Variants in ANK3 observed in about 807,000 individuals in gnomAD.
ANK3 encodes ankyrin 3, also known as ankyrin-3.
In ANK3, 57 loss-of-function variants were observed where a neutral mutation model predicts 370.9. The ratio of observed to expected loss-of-function variants is 0.15; its 90% CI spans 0.12 to 0.19. The LOEUF (loss-of-function observed/expected upper bound fraction) is 0.19. ANK3 is among the 10% of genes least tolerant of loss of function. The pLI is 1.00. For missense variants in ANK3, 4,439 were observed against 5,302.1 expected (o/e 0.84, Z 5.06); for synonymous variants, 1,929 against 1,946.3 (o/e 0.99, Z 0.23).
intron 36 of ANK3, 95 bp downstream of exon 36, chr10:60,080,442 A>G (rs781291795): frequency 1.5e-5 from 16 of 1,089,774 alleles, no homozygotes; most frequent in Non-Finnish European, 1.8e-5. Context: ...TTCTTTTGCC[A>G]TTGAGTTTCC....
intron 2 of ANK3, among the ~76,000 whole-genome samples, chr10:60,474,286 T>C (rs942654157): frequency 6.6e-6 from 1 of 152,108 alleles, no homozygotes; most frequent in African/African-American, 2.4e-5. Flanking sequence ...TTACAGAGAA[T>C]GGACATGCTC....
intron 2 of ANK3, among the ~76,000 whole-genome samples, chr10:60,596,363 C>T (rs1389244403): frequency 6.6e-6 from 1 of 151,986 alleles, no homozygotes; most frequent in Non-Finnish European, 1.5e-5. Flanking sequence ...CAAATAAATC[C>T]ACTGCTATGA....
At chr10:60,456,160 G>A (rs550367802) in intron 2 of ANK3, among the ~76,000 whole-genome samples, 2 of 152,182 alleles carry the variant, frequency 1.3e-5, no homozygotes, top group African/African-American at 2.4e-5. Context: ...GTTTTCTTCT[G>A]AGAGGACATC....
At chr10:60,386,233 C>T (rs992018162) in intron 1 of ANK3, among the ~76,000 whole-genome samples, 5 of 151,980 alleles carry the variant, frequency 3.3e-5, no homozygotes, top group Non-Finnish European at 5.9e-5. Context: ...CCAACCTAAG[C>T]GGCCCGTGAG....
At chr10:60,287,411 G>GCTGTA (rs1347077931) in intron 1 of ANK3, among the ~76,000 whole-genome samples, 1 of 152,106 alleles carries the variant, frequency 6.6e-6, no homozygotes, top group Non-Finnish European at 1.5e-5. Context: ...TCTCCAGGAG[G>GCTGTA]CTGTAGTTGG....
intron 14 of ANK3, 143 bp from the exon 15 acceptor site, chr10:60,196,768 T>C (rs771381497): frequency 2.0e-4 from 122 of 603,522 alleles, no homozygotes; most frequent in Non-Finnish European, 3.3e-4. Context: ...ATTCTATTGA[T>C]GATGAGCAGT....
intron 43 of ANK3, among the ~76,000 whole-genome samples, chr10:60,035,980 T>C (rs1266353106): frequency 1.3e-5 from 2 of 152,146 alleles, no homozygotes; most frequent in Admixed American, 6.5e-5. Context: ...GAATTTGTAG[T>C]GAAGCAATTC....
At chr10:60,160,138 A>C (rs1353695777) in intron 23 of ANK3, among the ~76,000 whole-genome samples, 1 of 148,320 alleles carries the variant, frequency 6.7e-6, no homozygotes. Flanking sequence ...TGGTTTTTGA[A>C]AAGGTAATCA....
rs188217580 is a variant in ANK3, at chr10:60,254,680, G to A, written c.798+7179C>T. Among the ~76,000 whole-genome samples the A allele has an allele frequency of 2.0e-4, 30 of 152,294 alleles. No homozygotes were observed. The East Asian group carries it at 5.0e-3, about 25-fold the overall frequency. On this transcript the variant is annotated intron_variant, in intron 7 of 43. Coordinates refer to ENST00000280772, the MANE Select transcript of ANK3 (RefSeq NM_020987.5). ...CTTGCCCCTCTGCCTCTGACATTGG[G>A]TTTGGTGCACTGGTCTAAAATTCTA...
At chr10:60,166,764 GAAAC>G in intron 22 of ANK3, 56 bp downstream of exon 22, 7 of 1,597,226 alleles carry the variant, frequency 4.4e-6, no homozygotes, top group Non-Finnish European at 6.0e-6. Flanking sequence ...CTTTCTTCAG[GAAAC>G]AAACAAAATA....
chr10:60,564,821 G>C (rs1046050667), intron 2 of ANK3, among the ~76,000 whole-genome samples: 1 of 152,130 alleles, frequency 6.6e-6, no homozygotes, highest in Non-Finnish European at 1.5e-5. Flanking sequence ...TTTAAATAAA[G>C]TAAGTTAGTT....
upstream of ANK3, among the ~76,000 whole-genome samples, chr10:60,393,660 T>C (rs1246657471): frequency 1.3e-5 from 2 of 152,172 alleles, no homozygotes; most frequent in Non-Finnish European, 2.9e-5. Context: ...CACATACACC[T>C]TTCCAGGATT....
rs140933913 is a variant in ANK3, at chr10:60,615,058, A to G, written c.96+128T>C. The G allele has an allele frequency of 6.6e-4, 390 of 588,624 alleles. 1 individual carries two copies. The African/African-American group carries it at 7.0e-3, about 11-fold the overall frequency. 36.5% of individuals were successfully genotyped at this position (588,624 alleles called of 1,614,324 possible). A position where few individuals can be genotyped will look rare whatever the true frequency, so the allele number is the denominator to read the frequency against. On this transcript the variant is annotated intron_variant, in intron 2 of 43. Coordinates refer to the ANK3 transcript ENST00000373827. ...GTTAAATAAAAATAACAACAACAAC[A>G]ACAATAAACTGGTTTAAAAGGACCA...
At chr10:60,613,585 T>C (rs1477254260) in intron 2 of ANK3, among the ~76,000 whole-genome samples, 2 of 152,226 alleles carry the variant, frequency 1.3e-5, no homozygotes, top group African/African-American at 4.8e-5. Context: ...TTTAGCTTAT[T>C]ACTGGTGACA....
At chr10:60,373,845 A>G (rs2060420945) in intron 1 of ANK3, among the ~76,000 whole-genome samples, 1 of 152,062 alleles carries the variant, frequency 6.6e-6, no homozygotes, top group South Asian at 2.1e-4. Context: ...AGTCCTGGGC[A>G]AACCAGGCCA....
intron 23 of ANK3, among the ~76,000 whole-genome samples, chr10:60,164,448 G>A (rs183413559): frequency 6.6e-6 from 1 of 151,438 alleles, no homozygotes. Flanking sequence ...AGGGCGACCA[G>A]GTTGCTGAGG....
intron 1 of ANK3, among the ~76,000 whole-genome samples, chr10:60,351,142 A>G (rs1417048196): frequency 6.6e-6 from 1 of 152,220 alleles, no homozygotes; most frequent in Admixed American, 6.5e-5. Context: ...TACTATGACC[A>G]CAAACATTTA....
intron 2 of ANK3, among the ~76,000 whole-genome samples, chr10:60,609,284 C>A (rs776545250): frequency 6.6e-6 from 1 of 152,144 alleles, no homozygotes; most frequent in Non-Finnish European, 1.5e-5. Context: ...CAGCCAGACT[C>A]CAACCAAGTC....
chr10:60,073,131 C>G lies in ANK3; in HGVS notation c.7750G>C (p.Ala2584Pro). ...GACACTTCAGTCAGTTTTTCTTCAG[C>G]CTCCTTCACAGTCCTGTCCACCCTA... ...EDRVDRTVKE[A>P]EEKLTEVSQF... The change falls in exon 37 of 44, where the codon GCT becomes CCT. Residue 2584 changes from alanine (A) to proline (P), a missense_variant. Coordinates refer to ENST00000280772, the MANE Select transcript of ANK3 (RefSeq NM_020987.5). 1.2e-6 allele frequency: 2 copies of G among 1,614,098 alleles called. No homozygotes were observed. The highest frequency in any genetic ancestry group is 1.1e-5 in the South Asian group (1 of 91,080).
Sources: allele counts gnomAD v4.1 joint callset (sites outside exome capture counted in the v4.1 genomes callset), GRCh38; gene constraint gnomAD v4.1.1; transcripts MANE v1.5; gene names NCBI Gene and HGNC (gene_info 2026-07-23, HGNC 2026-07-21).